Variants in LPP observed in about 807,000 individuals in gnomAD.
LPP encodes the protein lipoma-preferred partner.
A neutral mutation model predicts 60.4 loss-of-function variants in LPP; 38 were observed. The ratio of observed to expected loss-of-function variants is 0.63; its 90% CI spans 0.49 to 0.83. The LOEUF (loss-of-function observed/expected upper bound fraction) is 0.83. LPP is among the 40% of genes least tolerant of loss of function. LPP has a pLI of 0.00. For synonymous variants in LPP, 328 were observed against 290.8 expected (o/e 1.13, Z -1.30); for missense variants, 902 against 783.6 (o/e 1.15, Z -1.80).
At chr3:188,621,746 C>T (rs374403190) in intron 7 of LPP, among the ~76,000 whole-genome samples, 55 of 152,140 alleles carry the variant, frequency 3.6e-4, no homozygotes, top group African/African-American at 1.3e-3. Context: ...CTATAACCTC[C>T]GCCTCTGGGT....
intron 6 of LPP, among the ~76,000 whole-genome samples, chr3:188,527,275 G>A (rs1400875275): frequency 1.3e-5 from 2 of 148,460 alleles, no homozygotes; most frequent in African/African-American, 2.5e-5. Context: ...GTTTGAACCC[G>A]GGAGGCGGAG....
At chr3:188,787,610 C>A (rs1380035207) in intron 9 of LPP, among the ~76,000 whole-genome samples, 2 of 152,180 alleles carry the variant, frequency 1.3e-5, no homozygotes, top group Non-Finnish European at 1.5e-5. Flanking sequence ...TGAGCTCTTG[C>A]AGCATTTAAA....
intron 4 of LPP, among the ~76,000 whole-genome samples, chr3:188,472,378 T>A (rs1802064643): frequency 1.3e-5 from 2 of 152,130 alleles, no homozygotes; most frequent in Admixed American, 1.3e-4. Flanking sequence ...AGCTCCAGTA[T>A]TCCTTTGGAA....
intron 5 of LPP, among the ~76,000 whole-genome samples, chr3:188,512,687 T>G (rs143141399): frequency 6.0e-4 from 91 of 152,242 alleles, no homozygotes; most frequent in South Asian, 1.7e-3. Flanking sequence ...AATTGAATAC[T>G]TTTTTATGGT....
At chr3:188,404,157 G>T (rs1162509450) in intron 3 of LPP, among the ~76,000 whole-genome samples, 2 of 152,036 alleles carry the variant, frequency 1.3e-5, no homozygotes, top group Non-Finnish European at 2.9e-5. Flanking sequence ...TTCTCACTTT[G>T]CATAGCACTC....
At chr3:188,287,952 C>T (rs151144683) in intron 2 of LPP, among the ~76,000 whole-genome samples, 1 of 152,096 alleles carries the variant, frequency 6.6e-6, no homozygotes. Flanking sequence ...GATGTACCAT[C>T]CTCCCAGGCT....
intron 6 of LPP, among the ~76,000 whole-genome samples, chr3:188,559,595 G>T (rs1230122906): frequency 6.6e-6 from 1 of 151,994 alleles, no homozygotes; most frequent in Non-Finnish European, 1.5e-5. Flanking sequence ...CGTGTTCGTA[G>T]AGTCAATAGT....
intron 6 of LPP, among the ~76,000 whole-genome samples, chr3:188,529,862 G>T (rs1261202464): frequency 3.3e-5 from 5 of 152,170 alleles, no homozygotes; most frequent in African/African-American, 9.7e-5. Context: ...CACAGGAGAA[G>T]GGCTTCAATG....
At chr3:188,369,195 G>T (rs1421453480) in intron 3 of LPP, among the ~76,000 whole-genome samples, 1 of 152,166 alleles carries the variant, frequency 6.6e-6, no homozygotes, top group Non-Finnish European at 1.5e-5. Context: ...CTTTCTTTCT[G>T]CTAGGTTTAA....
chr3:188,514,211 A>G (rs1816655675), intron 5 of LPP, among the ~76,000 whole-genome samples: 1 of 151,908 alleles, frequency 6.6e-6, no homozygotes, highest in Non-Finnish European at 1.5e-5. Flanking sequence ...GAACTCTTCC[A>G]TCTATTTTTC....
intron 9 of LPP, among the ~76,000 whole-genome samples, chr3:188,824,120 A>G (rs765629054): frequency 6.6e-5 from 10 of 152,220 alleles, no homozygotes; most frequent in Non-Finnish European, 1.5e-4. Context: ...GCTCTACTGT[A>G]TACTAGTAGT....
chr3:188,695,001 G>A lies in LPP; in HGVS notation c.1114-13266G>A, dbSNP rs1279219245. ...TTGTTGCGGTTAAGCATCCCTTTCT[G>A]GAATTGATGACTGGATTCAAATCCC... On this transcript the variant is annotated intron_variant, in intron 7 of 11. Coordinates refer to ENST00000617246, the MANE Select transcript of LPP (RefSeq NM_001375462.1). Among the ~76,000 whole-genome samples the A allele has an allele frequency of 2.6e-5, 4 of 152,126 alleles. No homozygotes were observed. The East Asian group carries it at 7.7e-4, about 29-fold the overall frequency.
At chr3:188,582,995 G>A (rs1033561418) in intron 6 of LPP, among the ~76,000 whole-genome samples, 4 of 151,868 alleles carry the variant, frequency 2.6e-5, no homozygotes, top group African/African-American at 7.3e-5. Context: ...CCCCACCATC[G>A]CCCCAATCTA....
At chr3:188,644,120 G>A (rs927773481) in intron 7 of LPP, among the ~76,000 whole-genome samples, 2 of 152,170 alleles carry the variant, frequency 1.3e-5, no homozygotes, top group Non-Finnish European at 2.9e-5. Flanking sequence ...CGCTTATTCT[G>A]TGTTCCAAAG....
intron 5 of LPP, among the ~76,000 whole-genome samples, chr3:188,491,550 G>C (rs1808384699): frequency 6.6e-6 from 1 of 152,170 alleles, no homozygotes; most frequent in African/African-American, 2.4e-5. Flanking sequence ...GACCCTGACA[G>C]CAACAGTAGC....
chr3:188,434,036 G>GATTACTTCCT, intron 4 of LPP, among the ~76,000 whole-genome samples: 1 of 152,118 alleles, frequency 6.6e-6, no homozygotes, highest in South Asian at 2.1e-4. Flanking sequence ...TTGCGATCTG[G>GATTACTTCCT]ATTACTGTTG....
At chr3:188,593,153 GGTGTGTGTGT>G (rs10678737) in intron 6 of LPP, among the ~76,000 whole-genome samples, 4 of 148,510 alleles carry the variant, frequency 2.7e-5, no homozygotes, top group Non-Finnish European at 3.0e-5. Flanking sequence ...TCTGATGCCT[GGTGTGTGTGT>G]GTGTGTGTGT....
intron 4 of LPP, among the ~76,000 whole-genome samples, chr3:188,422,912 TTTGTGTGTGTGTG>T (rs1016446613): frequency 3.7e-5 from 5 of 135,552 alleles, no homozygotes; most frequent in Non-Finnish European, 6.2e-5. Context: ...TGGTGTCTTC[TTTGTGTGTGTGTG>T]TGTGTGTGTG....
intron 9 of LPP, among the ~76,000 whole-genome samples, chr3:188,843,603 C>A (rs565983659): frequency 7.6e-4 from 114 of 150,980 alleles, no homozygotes; most frequent in Admixed American, 2.0e-3. Context: ...CCGGCTAAAA[C>A]GGTGAAACCC....
Sources: allele counts gnomAD v4.1 joint callset (sites outside exome capture counted in the v4.1 genomes callset), GRCh38; gene constraint gnomAD v4.1.1; transcripts MANE v1.5; gene names NCBI Gene and HGNC (gene_info 2026-07-23, HGNC 2026-07-21).